The following GPC5 variants were observed in gnomAD, a reference collection of about 807,000 sequenced individuals.
GPC5 encodes glypican 5, also known as glypican-5.
Under a neutral mutation model 53.9 loss-of-function variants are expected in GPC5, and 47 were observed. That is an observed-to-expected ratio of 0.87 (90% confidence interval 0.69 to 1.11). GPC5 has a LOEUF of 1.11. Among genes scored for constraint, GPC5 ranks in the 50% most tolerant of loss-of-function variants. The pLI is 0.00. For missense variants in GPC5, 748 were observed against 713.1 expected (o/e 1.05, Z -0.56); for synonymous variants, 286 against 263.3 (o/e 1.09, Z -0.84).
chr13:92,750,895 C>T (rs1889369772), intron 7 of GPC5, among the ~76,000 whole-genome samples: 4 of 152,028 alleles, frequency 2.6e-5, no homozygotes, highest in Admixed American at 2.6e-4. Context: ...TTCAACAGTG[C>T]TATATCCATA....
chr13:91,699,710 A>G (rs1009715467), intron 3 of GPC5, among the ~76,000 whole-genome samples: 6 of 152,232 alleles, frequency 3.9e-5, no homozygotes, highest in Non-Finnish European at 7.3e-5. Flanking sequence ...ACTTTGATTT[A>G]TAGAAAACAC....
chr13:92,188,365 C>G (rs1037886699), intron 7 of GPC5, among the ~76,000 whole-genome samples: 1 of 152,062 alleles, frequency 6.6e-6, no homozygotes, highest in African/African-American at 2.4e-5. Context: ...ACTAAAAGCA[C>G]AAGCACTCAA....
intron 7 of GPC5, among the ~76,000 whole-genome samples, chr13:92,782,143 G>A (rs1343627500): frequency 4.6e-5 from 7 of 151,552 alleles, no homozygotes; most frequent in Admixed American, 4.6e-4. Context: ...ACAGAGAGAG[G>A]CAAGGAGGGA....
In GPC5 at chr13:92,485,140, T is replaced by C. The variant is rs188413028; in HGVS notation, c.1561+340151T>C. 1.1e-4 allele frequency among the ~76,000 whole-genome samples: 17 copies of C among 152,302 alleles called. No individual in the cohort carries two copies. In the East Asian group the frequency reaches 3.3e-3, roughly 29 times the overall value. On this transcript the variant is annotated intron_variant, in intron 7 of 7. Coordinates refer to ENST00000377067, the MANE Select transcript of GPC5 (RefSeq NM_004466.6). The stretch of plus-strand genomic sequence containing the variant: ...TGAAATGGAAGTGAGTTCTGGAAGT[T>C]TGATGGAGGCAAGTCTGTGGAAAGT...
chr13:92,128,634 T>A (rs2041718960), intron 6 of GPC5, among the ~76,000 whole-genome samples: 1 of 152,228 alleles, frequency 6.6e-6, no homozygotes, highest in East Asian at 1.9e-4. Context: ...CCATCTTAAA[T>A]CCTTGTTGGA....
At chr13:92,181,328 C>T (rs2042145493) in intron 7 of GPC5, among the ~76,000 whole-genome samples, 1 of 152,136 alleles carries the variant, frequency 6.6e-6, no homozygotes, top group Non-Finnish European at 1.5e-5. Context: ...AAGGTACTAT[C>T]ACTTTTAATT....
intron 5 of GPC5, among the ~76,000 whole-genome samples, chr13:91,809,585 G>T (rs772687804): frequency 6.6e-6 from 1 of 151,932 alleles, no homozygotes; most frequent in Non-Finnish European, 1.5e-5. Context: ...CAGCTATATT[G>T]CTTACTTTTG....
At chr13:91,832,650 A>G (rs1242266653) in intron 5 of GPC5, among the ~76,000 whole-genome samples, 1 of 151,960 alleles carries the variant, frequency 6.6e-6, no homozygotes, top group Admixed American at 6.6e-5. Context: ...CTACTGGGTA[A>G]ATAATGAAAC....
intron 3 of GPC5, among the ~76,000 whole-genome samples, chr13:91,707,155 A>G (rs1180984295): frequency 6.6e-6 from 1 of 152,094 alleles, no homozygotes; most frequent in Non-Finnish European, 1.5e-5. Flanking sequence ...CAACTCATCA[A>G]TTAAAAATTA....
At chr13:92,395,558 C>A (rs936490225) in intron 7 of GPC5, among the ~76,000 whole-genome samples, 1 of 152,186 alleles carries the variant, frequency 6.6e-6, no homozygotes, top group African/African-American at 2.4e-5. Flanking sequence ...ATCTTCAACA[C>A]TCTTCCTTAT....
intron 2 of GPC5, among the ~76,000 whole-genome samples, chr13:91,645,104 C>A (rs72643211): frequency 0.11 from 16,561 of 152,148 alleles, 1,125 homozygotes; most frequent in East Asian, 0.28. Flanking sequence ...TGACCTTGCC[C>A]TGGGATAGAC....
chr13:92,676,375 T>C (rs1015649008), intron 7 of GPC5, among the ~76,000 whole-genome samples: 1 of 152,212 alleles, frequency 6.6e-6, no homozygotes, highest in East Asian at 1.9e-4. Flanking sequence ...ATTCCAAATA[T>C]ATCTCTACTG....
intron 6 of GPC5, among the ~76,000 whole-genome samples, chr13:92,043,697 A>T (rs1412819560): frequency 6.6e-6 from 1 of 152,226 alleles, no homozygotes; most frequent in African/African-American, 2.4e-5. Context: ...ACTAAGGTAG[A>T]TATCATTAGA....
intron 7 of GPC5, among the ~76,000 whole-genome samples, chr13:92,579,447 C>T (rs1185595430): frequency 1.3e-5 from 2 of 151,706 alleles, no homozygotes; most frequent in Non-Finnish European, 2.9e-5. Flanking sequence ...GATACACTTG[C>T]TCTATTTGAG....
chr13:91,639,184 G>T (rs1410059102), intron 2 of GPC5, among the ~76,000 whole-genome samples: 2 of 152,150 alleles, frequency 1.3e-5, no homozygotes, highest in African/African-American at 4.8e-5. Flanking sequence ...TTTGTCTAAA[G>T]AAATAATTAT....
chr13:91,845,749 T>A (rs547785528), intron 5 of GPC5, among the ~76,000 whole-genome samples: 38 of 152,346 alleles, frequency 2.5e-4, no homozygotes, highest in African/African-American at 8.7e-4. Flanking sequence ...GTGCCTTTCC[T>A]GTATTTCGTA....
chr13:91,754,658 C>A (rs1209460213), intron 4 of GPC5, among the ~76,000 whole-genome samples: 1 of 151,954 alleles, frequency 6.6e-6, no homozygotes, highest in Admixed American at 6.6e-5. Context: ...TCATTAAATC[C>A]CACCTTTCTA....
At chr13:92,295,255 A>G (rs1262257454) in intron 7 of GPC5, among the ~76,000 whole-genome samples, 1 of 152,074 alleles carries the variant, frequency 6.6e-6, no homozygotes, top group Non-Finnish European at 1.5e-5. Context: ...TTAAATTTCT[A>G]TCCTGATTTC....
At position 92,221,314 on chromosome 13, in the gene GPC5, T is replaced by G. The variant is rs57235049; in HGVS notation, c.1561+76325T>G. ...AAATACGCTATAGTTCATCCAACTT[T>G]CTATTGCTTTGTCTTATCATATACA... On this transcript the variant is annotated intron_variant, in intron 7 of 7. Coordinates refer to ENST00000377067, the MANE Select transcript of GPC5 (RefSeq NM_004466.6). Among the ~76,000 whole-genome samples, 820 of 152,334 alleles carry G rather than the reference T, an allele frequency of 5.4e-3. 7 individuals are homozygous for G. Among genetic ancestry groups the G allele is most frequent in the African/African-American group, 0.019 (787 of 41,592 alleles).
Sources: gnomAD v4.1 joint callset for allele counts (sites outside exome capture counted in the v4.1 genomes callset) on GRCh38, gnomAD v4.1.1 for gene constraint, MANE v1.5 for transcripts, NCBI Gene and HGNC (gene_info 2026-07-23, HGNC 2026-07-21) for gene names.